Variants in TNR observed in about 807,000 individuals in gnomAD.
TNR encodes tenascin-R.
In TNR, 45 loss-of-function variants were observed where a neutral mutation model predicts 150.4. The ratio of observed to expected loss-of-function variants is 0.30; its 90% CI spans 0.24 to 0.38. The LOEUF is 0.38. TNR is among the 10% of genes least tolerant of loss of function. The probability of loss-of-function intolerance (pLI) is 1.00; values close to 1 mark genes in which losing one functional copy is unlikely to be tolerated. For missense variants in TNR, 1,544 were observed against 1,759.1 expected (o/e 0.88, Z 2.19); for synonymous variants, 687 against 678.4 (o/e 1.01, Z -0.20).
At chr1:175,635,799 T>C (rs1185710953) in intron 1 of TNR, among the ~76,000 whole-genome samples, 8 of 152,170 alleles carry the variant, frequency 5.3e-5, no homozygotes, top group African/African-American at 1.7e-4. Context: ...CCCCACAGAT[T>C]ACAGAGAAGA....
rs554958591 is a variant in TNR at position 175,561,243 on chromosome 1, C to CAGTG, written c.-164-32878_-164-32875dup. Among the ~76,000 whole-genome samples, 47 of 152,288 alleles carry CAGTG rather than the reference C, an allele frequency of 3.1e-4. 1 individual carries two copies. In the East Asian group the frequency reaches 8.9e-3, roughly 29 times the overall value. On this transcript the variant is annotated intron_variant, in intron 1 of 22. Coordinates refer to ENST00000367674, the MANE Select transcript of TNR (RefSeq NM_003285.3). ...GTATTAATATATTGAATTCACTGAA[C>CAGTG]AGTGTTCTGGCTTGCCTCACTGTTA...
At chr1:175,733,329 C>T (rs551784946) in intron 1 of TNR, among the ~76,000 whole-genome samples, 5 of 152,262 alleles carry the variant, frequency 3.3e-5, no homozygotes, top group Admixed American at 3.3e-4. Context: ...AGCAGTGGAA[C>T]AGGGTGAGTG....
chr1:175,406,158 C>G (rs1180476107), intron 3 of TNR, 58 bp downstream of exon 3: 2 of 1,566,888 alleles, frequency 1.3e-6, no homozygotes, highest in African/African-American at 2.7e-5. Flanking sequence ...CACTCTCCCT[C>G]TCTGCTCAGC....
chr1:175,558,195 C>A (rs1224963217), intron 1 of TNR, among the ~76,000 whole-genome samples: 1 of 142,288 alleles, frequency 7.0e-6, no homozygotes, highest in Non-Finnish European at 1.5e-5. Context: ...GTGGGTGCAG[C>A]GCACCAGCAT....
intron 1 of TNR, among the ~76,000 whole-genome samples, chr1:175,604,818 G>C (rs936061718): frequency 1.3e-5 from 2 of 152,116 alleles, no homozygotes; most frequent in African/African-American, 4.8e-5. Context: ...ACCCTTTGCC[G>C]CAGCGCTAAC....
chr1:175,347,513 C>T (rs1041679495), intron 18 of TNR, among the ~76,000 whole-genome samples: 10 of 152,074 alleles, frequency 6.6e-5, no homozygotes, highest in South Asian at 2.1e-4. Context: ...CAGCAGCCTC[C>T]GCCTCCCAGG....
At chr1:175,530,380 A>T (rs1359575812) in intron 1 of TNR, among the ~76,000 whole-genome samples, 1 of 152,126 alleles carries the variant, frequency 6.6e-6, no homozygotes, top group African/African-American at 2.4e-5. Flanking sequence ...CAGGGAGAGG[A>T]TGGGCAAAGC....
intron 1 of TNR, among the ~76,000 whole-genome samples, chr1:175,694,738 T>C (rs1426045515): frequency 6.6e-6 from 1 of 152,146 alleles, no homozygotes; most frequent in Non-Finnish European, 1.5e-5. Context: ...ATGGCTGGTG[T>C]TTTTATAAGA....
intron 1 of TNR, among the ~76,000 whole-genome samples, chr1:175,680,717 C>G (rs1666008931): frequency 6.6e-6 from 1 of 152,110 alleles, no homozygotes; most frequent in African/African-American, 2.4e-5. Context: ...GGGACTAACA[C>G]AGAGATGACA....
At chr1:175,387,787 C>T (rs926764346) in intron 7 of TNR, among the ~76,000 whole-genome samples, 5 of 152,232 alleles carry the variant, frequency 3.3e-5, no homozygotes, top group Non-Finnish European at 7.3e-5. Flanking sequence ...AAGTTTCTCC[C>T]TCAGGGCCGT....
At chr1:175,741,131 A>T (rs952473143) in intron 1 of TNR, among the ~76,000 whole-genome samples, 4 of 152,186 alleles carry the variant, frequency 2.6e-5, no homozygotes, top group Non-Finnish European at 4.4e-5. Flanking sequence ...GTTCCCTAAA[A>T]GGCTTTGGCT....
chr1:175,509,855 A>G (rs930983031), intron 2 of TNR, among the ~76,000 whole-genome samples: 7 of 152,160 alleles, frequency 4.6e-5, no homozygotes, highest in African/African-American at 1.2e-4. Context: ...CTGAGGATTG[A>G]ACTAACATTT....
In TNR at chr1:175,376,879, T is replaced by TATATATATACAC. The variant is rs36055169; in HGVS notation, c.1963+2672_1963+2673insGTGTATATATAT. ...GTAATATTATATATATATATATATA[T>TATATATATACAC]ACACATATATTTGAAATGTTTTAAA... On this transcript the variant is annotated intron_variant, in intron 9 of 22. Transcript: ENST00000367674. 2.8e-4 allele frequency among the ~76,000 whole-genome samples: 41 copies of TATATATATACAC among 146,542 alleles called. No homozygotes were observed. The South Asian group carries it at 4.9e-3, about 18-fold the overall frequency.
At chr1:175,738,274 T>C (rs149192347) in intron 1 of TNR, among the ~76,000 whole-genome samples, 2 of 152,250 alleles carry the variant, frequency 1.3e-5, no homozygotes, top group East Asian at 3.9e-4. Flanking sequence ...AATGCAAGCG[T>C]CCATTAATGG....
At chr1:175,326,254 T>G (rs1649386522) in intron 21 of TNR, among the ~76,000 whole-genome samples, 1 of 152,168 alleles carries the variant, frequency 6.6e-6, no homozygotes, top group Non-Finnish European at 1.5e-5. Flanking sequence ...TTTAGCAGGA[T>G]CAGGATTTGT....
chr1:175,362,788 A>C lies in TNR; in HGVS notation c.2729T>G (p.Val910Gly). ...PTQVGRLDSS[V>G]VPNTVTEFTI... ...GAATTCTGTCACAGTGTTGGGCACC[A>C]CTGAGCTGTCTAGTCGTCCCACTGG... is the stretch of plus-strand genomic sequence containing the variant. Residue 910 changes from valine to glycine, a missense_variant, in exon 14 of 23, where the codon GTG (valine) becomes GGG (glycine). Val to Gly is a moderately radical substitution (Grantham distance 109, BLOSUM62 -3). This residue lies in a region of TNR where 1,254 missense variants were observed against 1,329.4 expected (regional missense o/e 0.94). Coordinates refer to ENST00000367674, the MANE Select transcript of TNR (RefSeq NM_003285.3). 6.2e-7 allele frequency: 1 copy of C among 1,614,122 alleles called. No individual in the cohort carries two copies. Among genetic ancestry groups the C allele is most frequent in the Non-Finnish European group, 8.5e-7 (1 of 1,179,976 alleles).
At chr1:175,364,982 C>T in intron 12 of TNR, 28 bp downstream of exon 12, 1 of 1,574,372 alleles carries the variant, frequency 6.4e-7, no homozygotes, top group Non-Finnish European at 8.6e-7. Flanking sequence ...CCCCTTTCAT[C>T]ACCTGCTGCC....
At chr1:175,573,134 A>C (rs1046379474) in intron 1 of TNR, among the ~76,000 whole-genome samples, 1 of 152,212 alleles carries the variant, frequency 6.6e-6, no homozygotes, top group African/African-American at 2.4e-5. Context: ...TTGACCATAG[A>C]GGTATTTCAT....
chr1:175,591,235 C>T (rs142494717), intron 1 of TNR, among the ~76,000 whole-genome samples: 55 of 152,326 alleles, frequency 3.6e-4, no homozygotes, highest in African/African-American at 1.2e-3. Flanking sequence ...GAGCCCTCAA[C>T]AGCCCTAGCT....
Sources: gnomAD v4.1 joint callset for allele counts (sites outside exome capture counted in the v4.1 genomes callset) on GRCh38, gnomAD v4.1.1 for gene constraint, gnomAD v4.1.1 regional missense constraint, MANE v1.5 for transcripts, NCBI Gene and HGNC (gene_info 2026-07-23, HGNC 2026-07-21) for gene names.